SGSM2: variants seen among roughly 807,000 people sequenced by gnomAD.
SGSM2 encodes small G protein signaling modulator 2.
SGSM2 carries 89 observed loss-of-function variants against 126.6 expected under a neutral mutation model. The ratio of observed to expected loss-of-function variants is 0.70; its 90% confidence interval spans 0.59 to 0.84. The LOEUF is 0.84. Among genes scored for constraint, SGSM2 ranks in the 40% least tolerant of loss-of-function variants. SGSM2 has a pLI of 0.00. For missense variants in SGSM2, 1,404 were observed against 1,416.6 expected (o/e 0.99, Z 0.14); for synonymous variants, 614 against 574.3 (o/e 1.07, Z -0.99).
chr17:2,373,454 A>T lies in SGSM2; in HGVS notation c.2041A>T (p.Ser681Cys). 1 of 1,609,918 alleles carries T rather than the reference A, an allele frequency of 6.2e-7. No homozygotes were observed. The highest frequency in any genetic ancestry group is 8.5e-7 in the Non-Finnish European group (1 of 1,179,978). ...CACACGCACCAAGTTCTCCTCAGGC[A>T]GCAGCATCGACAGCCACGTGCAGCG... ...PATRTKFSSGSSIDSHVQRLI... is the reference protein window; with the variant it reads ...PATRTKFSSGCSIDSHVQRLI... Residue 681 changes from serine (S) to cysteine (C), a missense_variant, in exon 17 of 24, where the codon AGC becomes TGC. Physicochemically the swap from Ser to Cys is moderately radical, Grantham distance 112. Coordinates refer to ENST00000268989, the MANE Select transcript of SGSM2 (RefSeq NM_014853.3).
chr17:2,379,476 CG>C lies in SGSM2; in HGVS notation c.3115del (p.Asp1039ThrfsTer10). On this transcript the variant is annotated frameshift_variant, in exon 24 of 24. Coordinates refer to ENST00000268989, the MANE Select transcript of SGSM2 (RefSeq NM_014853.3). LOFTEE classifies it high-confidence loss of function. The part of the protein sequence containing the change: ...HDAQEILRIA[R>X]DLVHKVQMLI... ...TGCCCAGGAGATCCTGCGGATTGCC[CG>C]GGACCTCGTCCACAAGGTGCAGATG... 6.2e-7 allele frequency: 1 copy of C among 1,613,602 alleles called. No homozygotes were observed. Among genetic ancestry groups the C allele is most frequent in the Non-Finnish European group, 8.5e-7 (1 of 1,179,754 alleles).
chr17:2,352,390 C>T (rs751434), intron 2 of SGSM2, among the ~76,000 whole-genome samples: 12,562 of 152,182 alleles, frequency 0.083, 929 homozygotes, highest in African/African-American at 0.19. Flanking sequence ...TGTGTGGCAG[C>T]GGTGGCTGAA....
rs1567831982 is a variant in SGSM2, at chr17:2,367,347, GCA to G, written c.1367_1368del (p.His456ArgfsTer22). 1 of 1,614,186 alleles carries G rather than the reference GCA, an allele frequency of 6.2e-7. No individual in the cohort carries two copies. The highest frequency in any genetic ancestry group is 8.5e-7 in the Non-Finnish European group (1 of 1,180,030). ...DDDEEEEDKLHAMLSMICSRN... is the reference protein window; with the variant it reads ...DDDEEEEDKLXAMLSMICSRN... ...ATGATGAGGAAGAGGAGGATAAACT[GCA>G]CGCGATGCTCTCAATGATCTGCTCG... On this transcript the variant is annotated frameshift_variant, in exon 12 of 24. Transcript: ENST00000268989. LOFTEE classifies it high-confidence loss of function. The surrounding 1 kb of genome is among the most constrained non-coding windows in gnomAD (Gnocchi z 4.0).
intron 2 of SGSM2, among the ~76,000 whole-genome samples, chr17:2,358,709 C>T (rs1007067616): frequency 1.5e-5 from 2 of 129,262 alleles, no homozygotes; most frequent in African/African-American, 2.5e-5. Context: ...GAGACCCGGT[C>T]TCAAAAAAAA....
rs1478198551 is a variant in SGSM2 at position 2,373,377 on chromosome 17, G to C, written c.1964G>C (p.Trp655Ser). ...AARYQQVLAE[W>S]KACEVVVRQR... ...AGGTACCAGCAGGTGTTGGCAGAGT[G>C]GAAGGCCTGCGAGGTGGTGGTGAGG... Residue 655 changes from tryptophan (W) to serine (S), a missense_variant, in exon 17 of 24, where the codon TGG becomes TCG. Transcript: ENST00000268989. 2 of 1,612,956 alleles carry C rather than the reference G, an allele frequency of 1.2e-6. No individual in the cohort carries two copies. The highest frequency in any genetic ancestry group is 1.7e-6 in the Non-Finnish European group (2 of 1,179,996).
At position 2,371,263 on chromosome 17, in the gene SGSM2, C is replaced by T. The variant is rs74862256; in HGVS notation, c.1425C>T (p.Asp475=). ...RNLTAPNPMK[D]AGDMIEMQGF... ...CCATGCCACCCTTCCTGCCCGCAGA[C>T]GCTGGTGACATGATCGAGATGCAGG... The change falls in exon 13 of 24, where the codon GAC becomes GAT. Residue 475 remains aspartate, a splice_region_variant and synonymous_variant. Transcript: ENST00000268989. 9.9e-4 allele frequency: 1,593 copies of T among 1,610,988 alleles called. 24 individuals are homozygous for T. In the African/African-American group the frequency reaches 0.019, roughly 19 times the overall value.
chr17:2,369,998 CG>C (rs2065789297), intron 12 of SGSM2, among the ~76,000 whole-genome samples: 1 of 152,194 alleles, frequency 6.6e-6, no homozygotes, highest in Admixed American at 6.5e-5. Flanking sequence ...AAGAGAGCCC[CG>C]GCCAAGGCAG....
In SGSM2 at chr17:2,379,880, A is replaced by G. The variant is rs949906576; in HGVS notation, c.*360A>G. 1.5e-6 allele frequency: 2 copies of G among 1,301,466 alleles called. No individual in the cohort carries two copies. Among genetic ancestry groups the G allele is most frequent in the African/African-American group, 1.5e-5 (1 of 67,932 alleles). 80.6% of individuals were successfully genotyped at this position (1,301,466 alleles called of 1,614,324 possible). A position where few individuals can be genotyped will look rare whatever the true frequency, so the allele number is the denominator to read the frequency against. On this transcript the variant is annotated 3_prime_UTR_variant, in exon 24 of 24. Transcript: ENST00000268989. The stretch of plus-strand genomic sequence containing the variant: ...GGGCCCCACAGGATTAACAGGGGCT[A>G]TAGCGGCCTGGGCCCTACTCAGCTG...
At chr17:2,344,676 A>G (rs2064517117) in intron 2 of SGSM2, among the ~76,000 whole-genome samples, 1 of 151,866 alleles carries the variant, frequency 6.6e-6, no homozygotes, top group Non-Finnish European at 1.5e-5. Flanking sequence ...TATGTCATCC[A>G]ATAACTTGGC....
intron 22 of SGSM2, 70 bp downstream of exon 22, chr17:2,378,023 A>C (rs1461567961): frequency 9.9e-7 from 1 of 1,009,982 alleles, no homozygotes; most frequent in African/African-American, 1.6e-5. Flanking sequence ...CCAAGCCAAC[A>C]GTTCTCAATC....
Position 2,379,802 on chromosome 17 carries a change from GC to G in SGSM2, c.*286del. The G allele has an allele frequency of 7.5e-7, 1 of 1,336,854 alleles. No individual in the cohort carries two copies. Among genetic ancestry groups the G allele is most frequent in the Non-Finnish European group, 9.6e-7 (1 of 1,039,946 alleles). 82.8% of individuals were successfully genotyped at this position (1,336,854 alleles called of 1,614,324 possible). A position where few individuals can be genotyped will look rare whatever the true frequency, so the allele number is the denominator to read the frequency against. On this transcript the variant is annotated 3_prime_UTR_variant, in exon 24 of 24. Coordinates refer to ENST00000268989, the MANE Select transcript of SGSM2 (RefSeq NM_014853.3). Reference sequence around the variant, plus strand: ...CTCCCCTCTCACACATCTGGGAGTAGCCCCACTGCCACCTGCAGCCGCAGCC... The same window carrying G: ...CTCCCCTCTCACACATCTGGGAGTAGCCCACTGCCACCTGCAGCCGCAGCC...
Position 2,363,132 on chromosome 17 carries a change from G to T in SGSM2, c.670G>T (p.Gly224Trp). 1.3e-6 allele frequency: 2 copies of T among 1,598,264 alleles called. No individual in the cohort carries two copies. The highest frequency in any genetic ancestry group is 1.1e-5 in the South Asian group (1 of 89,420). ...CTCCCCTGCAAAGCGCCCAGCCCTGGGGGTAGGTGCCCCCTCCCCACCCTT... is the reference window on the plus strand; with the variant it reads ...CTCCCCTGCAAAGCGCCCAGCCCTGTGGGTAGGTGCCCCCTCCCCACCCTT... The part of the protein sequence containing the change: ...QDSPAKRPAL[G>W]IRKRHSSGSA... Residue 224 changes from glycine to tryptophan, a missense_variant and splice_region_variant, in exon 6 of 24, where the codon GGG (glycine) becomes TGG (tryptophan). Gly to Trp is a radical substitution (Grantham distance 184, BLOSUM62 -2). Transcript: ENST00000268989. This position sits in a 1 kb window ranked among gnomAD's most constrained non-coding sequence, Gnocchi z 4.2.
intron 12 of SGSM2, 86 bp from the exon 13 acceptor site, chr17:2,371,176 C>T (rs2065852017): frequency 7.1e-7 from 1 of 1,417,200 alleles, no homozygotes; most frequent in South Asian, 1.4e-5. Flanking sequence ...GATGCTGCAG[C>T]TCTGGGCACA....
intron 8 of SGSM2, 29 bp from the exon 9 acceptor site, chr17:2,364,567 A>C: frequency 6.2e-7 from 1 of 1,612,662 alleles, no homozygotes; most frequent in Non-Finnish European, 8.5e-7. Flanking sequence ...GTCTTTGGAC[A>C]CAGTGACAGC....
chr17:2,362,928 A>G lies in SGSM2; in HGVS notation c.526+23A>G, dbSNP rs370041471. 6 of 1,614,158 alleles carry G rather than the reference A, an allele frequency of 3.7e-6. No homozygotes were observed. The South Asian group carries it at 4.4e-5, about 12-fold the overall frequency. On this transcript the variant is annotated intron_variant, in intron 5 of 23. Coordinates refer to ENST00000268989, the MANE Select transcript of SGSM2 (RefSeq NM_014853.3). This position sits in a 1 kb window ranked among gnomAD's most constrained non-coding sequence, Gnocchi z 4.9. The stretch of plus-strand genomic sequence containing the variant: ...TAGGTGAGCCTGAGAGCACAGGCAC[A>G]GTGGGTACGGGGCAGGTGCTGAGGG...
intron 3 of SGSM2, 120 bp downstream of exon 3, chr17:2,361,919 G>A: frequency 7.3e-7 from 1 of 1,368,470 alleles, no homozygotes; most frequent in Non-Finnish European, 9.9e-7. Flanking sequence ...AGGGCCTCTG[G>A]GTGAGGGATC....
chr17:2,361,877 C>G (rs1012202122), intron 3 of SGSM2, 78 bp downstream of exon 3: 2 of 1,500,930 alleles, frequency 1.3e-6, no homozygotes, highest in Non-Finnish European at 1.8e-6. Context: ...GGACACCCAT[C>G]GGAAAGTTGG....
At chr17:2,365,477 C>G (rs1273966638) in intron 11 of SGSM2, 136 bp downstream of exon 11, 1 of 1,057,384 alleles carries the variant, frequency 9.5e-7, no homozygotes, top group East Asian at 2.7e-5. Context: ...ATCGCCTAGC[C>G]TCTCAGCTGG....
intron 2 of SGSM2, among the ~76,000 whole-genome samples, chr17:2,358,035 T>G (rs2065152300): frequency 6.6e-6 from 1 of 152,172 alleles, no homozygotes; most frequent in African/African-American, 2.4e-5. Context: ...GACAGCTCAG[T>G]CAGCAGGCAG....
Sources: allele counts gnomAD v4.1 joint callset (sites outside exome capture counted in the v4.1 genomes callset), GRCh38; gene constraint gnomAD v4.1.1; non-coding constraint Gnocchi (gnomAD v3.1); transcripts MANE v1.5; gene names NCBI Gene and HGNC (gene_info 2026-07-23, HGNC 2026-07-21).